PHC3: variants seen among roughly 807,000 people sequenced by gnomAD.
PHC3 encodes polyhomeotic-like protein 3.
Under a neutral mutation model 107.4 loss-of-function variants are expected in PHC3, and 13 were observed. The observed-to-expected ratio is 0.12, with a 90% CI of 0.08 to 0.19. The LOEUF is 0.19. Ranked by LOEUF, PHC3 falls within the 10% of genes least tolerant of loss-of-function variation. The pLI, the probability that PHC3 is intolerant of heterozygous loss-of-function variation, is 1.00. For missense variants in PHC3, 992 were observed against 1,210.9 expected (o/e 0.82, Z 2.68); for synonymous variants, 456 against 427.4 (o/e 1.07, Z -0.83).
rs200514068 is a variant in PHC3 at position 170,163,861 on chromosome 3, CAAAAA to C, written c.414+7507_414+7511del. Among the ~76,000 whole-genome samples the C allele has an allele frequency of 8.2e-5, 7 of 85,122 alleles. No homozygotes were observed. The East Asian group carries it at 8.2e-4, about 10-fold the overall frequency. The allele number at this position is 85,122 out of a possible 152,430, so 55.8% of individuals were successfully genotyped here. ...CTGGGCAACAGTGCAAGACTCTGTCCAAAAAAAAAAAAAAAAAAAAAAAGGCAGGC... is the reference window on the plus strand; with the variant it reads ...CTGGGCAACAGTGCAAGACTCTGTCCAAAAAAAAAAAAAAAAAAGGCAGGC... On this transcript the variant is annotated intron_variant, in intron 4 of 14. Coordinates refer to ENST00000495893, the MANE Select transcript of PHC3 (RefSeq NM_024947.4).
At chr3:170,160,352 T>A (rs1328652655) in intron 4 of PHC3, among the ~76,000 whole-genome samples, 2 of 152,334 alleles carry the variant, frequency 1.3e-5, no homozygotes, top group East Asian at 3.9e-4. Flanking sequence ...ATTTACCACT[T>A]GATTAGTACT....
chr3:170,100,683 GT>G (rs972208824), intron 14 of PHC3, among the ~76,000 whole-genome samples: 1 of 152,064 alleles, frequency 6.6e-6, no homozygotes, highest in East Asian at 1.9e-4. Context: ...TAAGTTTTAT[GT>G]TTTTTTAACT....
At chr3:170,132,663 C>T (rs1560071694) in intron 7 of PHC3, among the ~76,000 whole-genome samples, 1 of 152,210 alleles carries the variant, frequency 6.6e-6, no homozygotes, top group Non-Finnish European at 1.5e-5. Context: ...AGACCTCGAT[C>T]TTGGGCTTTC....
chr3:170,138,279 C>T (rs1723455587), intron 6 of PHC3, among the ~76,000 whole-genome samples: 1 of 152,160 alleles, frequency 6.6e-6, no homozygotes, highest in African/African-American at 2.4e-5. Flanking sequence ...CTAAGCTACT[C>T]AAAGAATTTT....
intron 8 of PHC3, 112 bp downstream of exon 8, chr3:170,128,572 T>C: frequency 7.4e-7 from 1 of 1,350,520 alleles, no homozygotes; most frequent in Non-Finnish European, 9.8e-7. Flanking sequence ...CATGGAAATT[T>C]CAAGCTTTTT....
intron 7 of PHC3, among the ~76,000 whole-genome samples, chr3:170,135,090 GA>G (rs1722850310): frequency 1.3e-5 from 2 of 152,244 alleles, no homozygotes; most frequent in East Asian, 3.9e-4. Context: ...GTTGTAAAAG[GA>G]CAGAAAAAAG....
chr3:170,158,545 G>C (rs1339815413), intron 4 of PHC3, among the ~76,000 whole-genome samples: 1 of 151,952 alleles, frequency 6.6e-6, no homozygotes, highest in East Asian at 1.9e-4. Flanking sequence ...AGAGGTTGCA[G>C]TGAGCCAAGA....
chr3:170,120,052 C>T (rs963007658), intron 9 of PHC3, among the ~76,000 whole-genome samples: 2 of 152,102 alleles, frequency 1.3e-5, no homozygotes, highest in Non-Finnish European at 2.9e-5. Context: ...CCTTCAAGTA[C>T]TATTAGTAAT....
At chr3:170,158,615 T>A in intron 4 of PHC3, among the ~76,000 whole-genome samples, 1 of 145,822 alleles carries the variant, frequency 6.9e-6, no homozygotes, top group Non-Finnish European at 1.5e-5. Context: ...AAAAGAAAAA[T>A]TTCAAAAAAA....
intron 1 of PHC3, among the ~76,000 whole-genome samples, chr3:170,180,216 G>A (rs1242046074): frequency 2.6e-5 from 4 of 151,766 alleles, no homozygotes; most frequent in African/African-American, 9.7e-5. Context: ...TACCACTCAG[G>A]GGGAGGACTG....
Position 170,094,118 on chromosome 3 carries a change from A to C in PHC3, c.*3112T>G, listed in dbSNP as rs937787383. The C allele has an allele frequency of 6.6e-6, 1 of 152,194 alleles. No homozygotes were observed. Among genetic ancestry groups the C allele is most frequent in the African/African-American group, 2.4e-5 (1 of 41,448 alleles). The allele number at this position is 152,194 out of a possible 1,614,324, so 9.4% of individuals were successfully genotyped here. A position where few individuals can be genotyped will look rare whatever the true frequency, so the allele number is the denominator to read the frequency against. On this transcript the variant is annotated 3_prime_UTR_variant, in exon 15 of 15. Transcript: ENST00000495893. ...TTCTGTTTAGAGCATTCAACAGCAA[A>C]GTAACAGGACCATCAGGGAAATAAT...
intron 14 of PHC3, among the ~76,000 whole-genome samples, chr3:170,099,528 C>G (rs1003250506): frequency 4.1e-4 from 62 of 152,190 alleles, no homozygotes; most frequent in African/African-American, 1.3e-3. Context: ...GGTAAAATGC[C>G]TGGATCCCGG....
intron 4 of PHC3, among the ~76,000 whole-genome samples, chr3:170,158,873 GC>G (rs1040096994): frequency 6.7e-6 from 1 of 150,268 alleles, no homozygotes; most frequent in African/African-American, 2.5e-5. Flanking sequence ...GTTGCAATAA[GC>G]CATATTAGCA....
At chr3:170,129,680 A>G (rs558566134) in intron 7 of PHC3, 128 bp from the exon 8 acceptor site, 1 of 1,070,078 alleles carries the variant, frequency 9.3e-7, no homozygotes, top group African/African-American at 1.6e-5. Context: ...AGTTTTCCAA[A>G]CAAGAGTAAT....
intron 5 of PHC3, 94 bp downstream of exon 5, chr3:170,148,992 A>T: frequency 7.8e-6 from 10 of 1,288,502 alleles, no homozygotes; most frequent in Non-Finnish European, 1.1e-5. Context: ...ACATTTCTTA[A>T]ATATTAAAAA....
intron 6 of PHC3, among the ~76,000 whole-genome samples, chr3:170,140,829 C>T (rs1331064066): frequency 2.6e-5 from 4 of 151,910 alleles, no homozygotes; most frequent in Non-Finnish European, 5.9e-5. Context: ...AACTCCTGAC[C>T]TCAAGTGATC....
At chr3:170,104,114 A>T (rs968286508) in intron 12 of PHC3, among the ~76,000 whole-genome samples, 1 of 152,160 alleles carries the variant, frequency 6.6e-6, no homozygotes, top group Non-Finnish European at 1.5e-5. Context: ...GAAAATATTG[A>T]ATAAGCATGG....
Position 170,122,649 on chromosome 3 carries a change from A to G in PHC3, c.1884T>C (p.Ser628=). ...CTCTCCCCACTGTTATAGCTGCTGG[A>G]GACAAAGTGGGTGGTGGTGGGGTTC... ...MDRTPPPPTL[S]PAAITVGRGE... is the part of the protein sequence containing the mutation. The change falls in exon 9 of 15, where the codon TCT becomes TCC. Residue 628 remains serine (S), a synonymous_variant. Transcript: ENST00000495893. The G allele has an allele frequency of 6.2e-7, 1 of 1,613,998 alleles. No individual in the cohort carries two copies. Among genetic ancestry groups the G allele is most frequent in the South Asian group, 1.1e-5 (1 of 91,086 alleles).
At chr3:170,168,100 G>A (rs895920701) in intron 4 of PHC3, among the ~76,000 whole-genome samples, 4 of 151,630 alleles carry the variant, frequency 2.6e-5, no homozygotes, top group African/African-American at 7.3e-5. Flanking sequence ...AGATTGAGGC[G>A]GTAGTGAGTT....
Sources: allele counts gnomAD v4.1 joint callset (sites outside exome capture counted in the v4.1 genomes callset), GRCh38; gene constraint gnomAD v4.1.1; transcripts MANE v1.5; gene names NCBI Gene and HGNC (gene_info 2026-07-23, HGNC 2026-07-21).